LAMA1: variants seen among roughly 807,000 people sequenced by gnomAD.
LAMA1 encodes the protein laminin subunit alpha-1.
In LAMA1, 219 loss-of-function variants were observed where a neutral mutation model predicts 348.7. That is an observed-to-expected ratio of 0.63 (90% CI 0.56 to 0.70). The LOEUF (loss-of-function observed/expected upper bound fraction) is 0.70. Among genes scored for constraint, LAMA1 ranks in the 30% least tolerant of loss-of-function variants. The probability of loss-of-function intolerance (pLI) is 0.00; values close to 1 mark genes in which losing one functional copy is unlikely to be tolerated. For synonymous variants in LAMA1, 1,487 were observed against 1,491.0 expected, an observed-to-expected ratio of 1.00 and a Z score of 0.06; for missense variants, 3,744 against 3,888.0, an observed-to-expected ratio of 0.96 and a Z score of 0.99.
chr18:7,020,893 C>T (rs1272707075), intron 19 of LAMA1, among the ~76,000 whole-genome samples: 2 of 152,180 alleles, frequency 1.3e-5, no homozygotes, highest in African/African-American at 4.8e-5. Context: ...TCCAATCACA[C>T]CCTGGCCCAC....
In LAMA1 at chr18:6,966,233, G is replaced by T. The variant is rs758788152; in HGVS notation, c.6964C>A (p.Leu2322Ile). The T allele has an allele frequency of 5.6e-6, 9 of 1,613,942 alleles. No homozygotes were observed. The African/African-American group carries it at 1.1e-4, about 19-fold the overall frequency. The stretch of plus-strand genomic sequence containing the variant: ...ATTATCTGGGTCACGGTAGCCGGAA[G>T]TGACTTCTCCACGACAGAGTACCCA... ...GSGYSVVEKS[L>I]PATVTQIIML... Residue 2322 changes from leucine (L) to isoleucine (I), a missense_variant, in exon 49 of 63, where the codon CTT becomes ATT. This residue lies in a region of LAMA1 where 1,983 missense variants were observed against 1,934.3 expected (regional missense o/e 1.03). Coordinates refer to ENST00000389658, the MANE Select transcript of LAMA1 (RefSeq NM_005559.4).
chr18:7,060,535 C>G (rs2058098389), intron 3 of LAMA1, among the ~76,000 whole-genome samples: 1 of 152,078 alleles, frequency 6.6e-6, no homozygotes, highest in Non-Finnish European at 1.5e-5. Flanking sequence ...CCTTAAAATT[C>G]TTAAAATTCA....
chr18:7,048,806 TGAA>T (rs1337429209), intron 5 of LAMA1, among the ~76,000 whole-genome samples: 2 of 152,066 alleles, frequency 1.3e-5, no homozygotes, highest in African/African-American at 2.4e-5. Flanking sequence ...GACTACGATG[TGAA>T]GAACAAAGAC....
Position 7,002,825 on chromosome 18 carries a change from T to G in LAMA1, c.4261-440A>C, listed in dbSNP as rs533408303. ...AATGAGGGAAGAAAACTCATGGTTT[T>G]AGAGCACCACTGATAGATTACTGCA... is the stretch of plus-strand genomic sequence containing the variant. On this transcript the variant is annotated intron_variant, in intron 29 of 62. Coordinates refer to ENST00000389658, the MANE Select transcript of LAMA1 (RefSeq NM_005559.4). Among the ~76,000 whole-genome samples the G allele has an allele frequency of 2.0e-5, 3 of 152,262 alleles. 1 individual carries two copies. The South Asian group carries it at 6.2e-4, about 32-fold the overall frequency.
intron 1 of LAMA1, among the ~76,000 whole-genome samples, chr18:7,102,488 C>A (rs998239817): frequency 6.6e-6 from 1 of 151,992 alleles, no homozygotes; most frequent in Non-Finnish European, 1.5e-5. Flanking sequence ...AGTCTGCAGT[C>A]ACATTAGAGT....
rs1302181247 is a variant in LAMA1 at position 7,032,052 on chromosome 18, A to G, written c.2274+14T>C. On this transcript the variant is annotated intron_variant, in intron 16 of 62. Coordinates refer to ENST00000389658, the MANE Select transcript of LAMA1 (RefSeq NM_005559.4). The stretch of plus-strand genomic sequence containing the variant: ...GAGGAGGAGAGGGCACCTGAACTAC[A>G]GTGAGAGACTCACAATGCAAACGCC... The G allele has an allele frequency of 6.2e-7, 1 of 1,607,848 alleles. No homozygotes were observed. Among genetic ancestry groups the G allele is most frequent in the South Asian group, 1.1e-5 (1 of 90,952 alleles).
chr18:6,950,510 C>T (rs1009436799), intron 58 of LAMA1, among the ~76,000 whole-genome samples: 4 of 152,148 alleles, frequency 2.6e-5, no homozygotes, highest in Non-Finnish European at 5.9e-5. Context: ...ATACTCCTTG[C>T]CAAGTCAAGA....
At chr18:7,045,466 C>T (rs1479321705) in intron 6 of LAMA1, among the ~76,000 whole-genome samples, 6 of 152,018 alleles carry the variant, frequency 3.9e-5, no homozygotes, top group African/African-American at 1.4e-4. Flanking sequence ...GCAAAACTGT[C>T]TCTAAATAAA....
chr18:7,023,087 G>A, intron 19 of LAMA1, 77 bp downstream of exon 19: 5 of 1,484,676 alleles, frequency 3.4e-6, no homozygotes, highest in Middle Eastern at 2.4e-4. Flanking sequence ...GGGGCCCTGT[G>A]TGACACATGT....
chr18:7,040,181 A>G lies in LAMA1; in HGVS notation c.1317T>C (p.Asp439=), dbSNP rs749456131. 3 of 1,614,138 alleles carry G rather than the reference A, an allele frequency of 1.9e-6. No individual in the cohort carries two copies. The highest frequency in any genetic ancestry group is 3.3e-5 in the Admixed American group (2 of 60,016). The part of the protein sequence containing the change: ...CKEGYTGEKC[D]RCQLGYKDYP... ...AATCCTTATAGCCAAGTTGGCAGCG[A>G]TCACATTTTTCTCCTGTATAACCTT... Residue 439 remains aspartate, a synonymous_variant, in exon 10 of 63, where the codon GAT becomes GAC. Transcript: ENST00000389658.
intron 47 of LAMA1, 74 bp downstream of exon 47, chr18:6,972,983 G>T: frequency 1.9e-6 from 3 of 1,558,136 alleles, no homozygotes; most frequent in South Asian, 2.2e-5. Flanking sequence ...GAGCCACCAC[G>T]CCCGGCCCAT....
Position 6,950,840 on chromosome 18 carries a change from C to T in LAMA1, c.8339G>A (p.Gly2780Asp). The T allele has an allele frequency of 6.2e-7, 1 of 1,614,108 alleles. No homozygotes were observed. Among genetic ancestry groups the T allele is most frequent in the South Asian group, 1.1e-5 (1 of 91,074 alleles). ...GGRLHFMFDL[G>D]KGRTKVSHPA... Reference sequence around the variant, plus strand: ...GTGAGAGACCTTTGTTCTGCCTTTGCCAAGGTCAAACATGAAGTGGAGGCG... The same window carrying T: ...GTGAGAGACCTTTGTTCTGCCTTTGTCAAGGTCAAACATGAAGTGGAGGCG... The change falls in exon 58 of 63, where the codon GGC (glycine) becomes GAC (aspartate). Residue 2780 changes from glycine (G) to aspartate (D), a missense_variant. Physicochemically the swap from Gly to Asp is moderately conservative, Grantham distance 94. Around this residue, in one of 3 missense-constraint regions of LAMA1, gnomAD observed 1,983 missense variants for 1,934.3 expected, o/e 1.03. Transcript: ENST00000389658.
chr18:7,104,909 A>T (rs2058305919), intron 1 of LAMA1, among the ~76,000 whole-genome samples: 1 of 152,212 alleles, frequency 6.6e-6, no homozygotes, highest in Non-Finnish European at 1.5e-5. Flanking sequence ...GGTTGGGTTC[A>T]GTGCGATACC....
At chr18:7,058,058 T>A (rs1469394740) in intron 3 of LAMA1, among the ~76,000 whole-genome samples, 14 of 151,996 alleles carry the variant, frequency 9.2e-5, no homozygotes. Flanking sequence ...CGTCTCAGCC[T>A]CCCAAAGTGC....
At position 7,034,332 on chromosome 18, in the gene LAMA1, T is replaced by A; in HGVS notation, c.2051+147A>T. ...TTTCAATAAAATTACATTTATAAAC[T>A]TAATAATTCTTAAGACAGCCAGATC... On this transcript the variant is annotated intron_variant, in intron 14 of 62. Coordinates refer to ENST00000389658, the MANE Select transcript of LAMA1 (RefSeq NM_005559.4). 4 of 686,104 alleles carry A rather than the reference T, an allele frequency of 5.8e-6. No individual in the cohort carries two copies. In the South Asian group the frequency reaches 6.7e-5, roughly 11 times the overall value. 42.5% of individuals were successfully genotyped at this position (686,104 alleles called of 1,614,324 possible).
intron 28 of LAMA1, among the ~76,000 whole-genome samples, chr18:7,007,738 T>A (rs1311422731): frequency 6.6e-6 from 1 of 150,886 alleles, no homozygotes; most frequent in Non-Finnish European, 1.5e-5. Flanking sequence ...CACCCAAGTT[T>A]ATTCACTGAC....
chr18:7,085,410 CTTCTTTTT>C lies in LAMA1; in HGVS notation c.62-4961_62-4954del, dbSNP rs1415883167. Among the ~76,000 whole-genome samples, 462 of 128,168 alleles carry C rather than the reference CTTCTTTTT, an allele frequency of 3.6e-3. 1 individual carries two copies. The highest frequency in any genetic ancestry group is 0.013 in the African/African-American group (435 of 32,564). The allele number at this position is 128,168 out of a possible 152,430, so 84.1% of individuals were successfully genotyped here. A position where few individuals can be genotyped will look rare whatever the true frequency, so the allele number is the denominator to read the frequency against. On this transcript the variant is annotated intron_variant, in intron 1 of 62. Coordinates refer to ENST00000389658, the MANE Select transcript of LAMA1 (RefSeq NM_005559.4). Reference sequence around the variant, plus strand: ...ATTTTACTCTTTTTTTCTTCTTCTTCTTCTTTTTTTTTTTTTTTTTTTTTTGAGACAAG... The same window carrying C: ...ATTTTACTCTTTTTTTCTTCTTCTTCTTTTTTTTTTTTTTTTTGAGACAAG...
chr18:6,985,533 A>T lies in LAMA1; in HGVS notation c.5490T>A (p.Ala1830=). 2 of 1,613,832 alleles carry T rather than the reference A, an allele frequency of 1.2e-6. No homozygotes were observed. Among genetic ancestry groups the T allele is most frequent in the Non-Finnish European group, 8.5e-7 (1 of 1,179,718 alleles). ...GTGCTGAGATGTAATTTACCTCTAGAGCATCTTGTACAGCATCTGTTTGTG... is the reference window on the plus strand; with the variant it reads ...GTGCTGAGATGTAATTTACCTCTAGTGCATCTTGTACAGCATCTGTTTGTG... ...AAAQTDAVQD[A]LEHLEDHQDK... is the part of the protein sequence containing the mutation. The change falls in exon 38 of 63, where the codon GCT becomes GCA. Residue 1830 remains alanine (A), a synonymous_variant. Coordinates refer to ENST00000389658, the MANE Select transcript of LAMA1 (RefSeq NM_005559.4).
chr18:6,971,187 G>T (rs2057656673), intron 48 of LAMA1, among the ~76,000 whole-genome samples: 1 of 152,150 alleles, frequency 6.6e-6, no homozygotes, highest in African/African-American at 2.4e-5. Context: ...TATACTTAAG[G>T]AGTTGCAGTT....
Sources: allele counts gnomAD v4.1 joint callset (sites outside exome capture counted in the v4.1 genomes callset), GRCh38; gene constraint gnomAD v4.1.1; regional missense constraint gnomAD v4.1.1; transcripts MANE v1.5; gene names NCBI Gene and HGNC (gene_info 2026-07-23, HGNC 2026-07-21).